EDN1: variants seen among roughly 807,000 people sequenced by gnomAD.
EDN1 encodes the protein endothelin-1.
EDN1 carries 11 observed loss-of-function variants against 21.7 expected under a neutral mutation model. The ratio of observed to expected loss-of-function variants is 0.51; its 90% CI spans 0.32 to 0.84. The LOEUF is 0.84. Among genes scored for constraint, EDN1 ranks in the 40% least tolerant of loss-of-function variants. The pLI, the probability that EDN1 is intolerant of heterozygous loss-of-function variation, is 0.03. For missense variants in EDN1, 244 were observed against 262.3 expected, an observed-to-expected ratio of 0.93 and a Z score of 0.48; for synonymous variants, 85 against 90.6, an observed-to-expected ratio of 0.94 and a Z score of 0.35.
At chr6:12,246,406 T>C in the EDN1 span, among the ~76,000 whole-genome samples, 1 of 152,164 alleles carries the variant, frequency 6.6e-6, no homozygotes, top group East Asian at 1.9e-4. Flanking sequence ...TGAAAAACCA[T>C]TTTCCCAGAC....
At chr6:12,244,906 T>C in the EDN1 span, among the ~76,000 whole-genome samples, 1 of 152,290 alleles carries the variant, frequency 6.6e-6, no homozygotes, top group South Asian at 2.1e-4. Flanking sequence ...TACAACAATA[T>C]GGCTTTTAAT....
chr6:12,287,744 ACACACACACAGGCGCGCGCGCGCGCGCG>A (rs1323927694), upstream of EDN1, among the ~76,000 whole-genome samples: 4 of 148,160 alleles, frequency 2.7e-5, no homozygotes, highest in African/African-American at 1.0e-4. Flanking sequence ...ACACACACAC[ACACACACACAGGCGCGCGCGCGCGCGCG>A]CAGGCACACG....
At chr6:12,235,305 T>C in the EDN1 span, among the ~76,000 whole-genome samples, 1 of 152,230 alleles carries the variant, frequency 6.6e-6, no homozygotes, top group Admixed American at 6.5e-5. Context: ...GCTTCCTTCC[T>C]ATTCTCCACT....
chr6:12,277,215 G>A, the EDN1 span, among the ~76,000 whole-genome samples: 1 of 152,198 alleles, frequency 6.6e-6, no homozygotes, highest in Non-Finnish European at 1.5e-5. Context: ...AATCCAATGA[G>A]TGGAAATGCT....
chr6:12,296,001 T>A lies in EDN1; in HGVS notation c.573T>A (p.His191Gln). 1.2e-6 allele frequency: 2 copies of A among 1,614,142 alleles called. No individual in the cohort carries two copies. The highest frequency in any genetic ancestry group is 2.2e-5 in the South Asian group (2 of 91,086). ...GAAACAGCGTCAAATCATCTTTTCA[T>A]GATCCCAAGCTGAAAGGCAAGCCCT... ...TMRNSVKSSF[H>Q]DPKLKGKPSR... The change falls in exon 5 of 5, where the codon CAT becomes CAA. Residue 191 changes from histidine to glutamine, a missense_variant. By Grantham distance (24) the His-to-Gln change is conservative. Transcript: ENST00000379375.
At chr6:12,249,709 G>C in the EDN1 span, among the ~76,000 whole-genome samples, 3 of 151,998 alleles carry the variant, frequency 2.0e-5, no homozygotes, top group Non-Finnish European at 4.4e-5. Context: ...TGAAGGAAAG[G>C]CATTAACGAG....
upstream of EDN1, among the ~76,000 whole-genome samples, chr6:12,286,193 CTT>C: frequency 6.6e-6 from 1 of 152,200 alleles, no homozygotes; most frequent in East Asian, 1.9e-4. Flanking sequence ...TGGAAATACT[CTT>C]TTAAATAAAC....
chr6:12,232,112 TTTA>T, the EDN1 span, among the ~76,000 whole-genome samples: 1 of 146,986 alleles, frequency 6.8e-6, no homozygotes, highest in Non-Finnish European at 1.5e-5. Flanking sequence ...TATTTTATAT[TTTA>T]TTATATAAAA....
chr6:12,242,881 A>C, the EDN1 span, among the ~76,000 whole-genome samples: 1,675 of 152,294 alleles, frequency 0.011, 32 homozygotes, highest in African/African-American at 0.038. Context: ...GGCTGGGTTC[A>C]GGTCTCTGTG....
In EDN1 at chr6:12,290,408, G is replaced by A. The variant is rs765052775; in HGVS notation, c.-222G>A. The A allele has an allele frequency of 3.4e-6, 2 of 580,572 alleles. No individual in the cohort carries two copies. The highest frequency in any genetic ancestry group is 3.1e-6 in the Non-Finnish European group (1 of 326,642). The allele number at this position is 580,572 out of a possible 1,614,324, so 36.0% of individuals were successfully genotyped here. A position where few individuals can be genotyped will look rare whatever the true frequency, so the allele number is the denominator to read the frequency against. Reference sequence around the variant, plus strand: ...CAGGCGAACGGGTCCTGCGCCTCCTGCAGTCCCAGCTCTCCACCGCCGCGT... The same window carrying A: ...CAGGCGAACGGGTCCTGCGCCTCCTACAGTCCCAGCTCTCCACCGCCGCGT... On this transcript the variant is annotated 5_prime_UTR_variant, in exon 1 of 5. Coordinates refer to ENST00000379375, the MANE Select transcript of EDN1 (RefSeq NM_001955.5).
chr6:12,296,560 T>TTTTG lies in EDN1; in HGVS notation c.*497_*500dup, dbSNP rs1350377037. The stretch of plus-strand genomic sequence containing the variant: ...AAGTAAAGAAAAAAAAAAGAAAGAC[T>TTTTG]TTTGTTTAAATTTGTAAAATGCAAA... On this transcript the variant is annotated 3_prime_UTR_variant, in exon 5 of 5. Transcript: ENST00000379375. 1 of 161,314 alleles carries TTTTG rather than the reference T, an allele frequency of 6.2e-6. No homozygotes were observed. The highest frequency in any genetic ancestry group is 1.4e-5 in the Non-Finnish European group (1 of 72,378). The allele number at this position is 161,314 out of a possible 1,614,324, so 10.0% of individuals were successfully genotyped here. A position where few individuals can be genotyped will look rare whatever the true frequency, so the allele number is the denominator to read the frequency against.
At chr6:12,262,066 C>T in the EDN1 span, among the ~76,000 whole-genome samples, 3 of 152,214 alleles carry the variant, frequency 2.0e-5, no homozygotes, top group East Asian at 5.8e-4. Flanking sequence ...GATACCTCCA[C>T]AAACTATTGT....
At chr6:12,232,938 A>T in the EDN1 span, among the ~76,000 whole-genome samples, 1 of 152,190 alleles carries the variant, frequency 6.6e-6, no homozygotes. Flanking sequence ...GGTCACTTTC[A>T]GAAGGATTAA....
chr6:12,235,277 A>C, the EDN1 span, among the ~76,000 whole-genome samples: 3 of 152,308 alleles, frequency 2.0e-5, no homozygotes, highest in African/African-American at 7.2e-5. Context: ...GTTTCCTTAG[A>C]AAGTCTGTCC....
chr6:12,233,028 T>C, the EDN1 span, among the ~76,000 whole-genome samples: 18,599 of 152,242 alleles, frequency 0.12, 1,368 homozygotes, highest in South Asian at 0.27. Context: ...GAAAACAATC[T>C]TAGAGCTAAT....
At chr6:12,266,059 A>G in the EDN1 span, among the ~76,000 whole-genome samples, 1 of 152,320 alleles carries the variant, frequency 6.6e-6, no homozygotes, top group South Asian at 2.1e-4. Context: ...TCATTGTTTC[A>G]GAGATAAGCC....
At chr6:12,276,161 CAAAAAAAAAAAAAAAA>C in the EDN1 span, among the ~76,000 whole-genome samples, 2 of 68,618 alleles carry the variant, frequency 2.9e-5, no homozygotes, top group African/African-American at 5.9e-5. Context: ...GACTCCATCT[CAAAAAAAAAAAAAAAA>C]AAAAAAAAAA....
chr6:12,281,242 T>G, the EDN1 span, among the ~76,000 whole-genome samples: 2 of 152,252 alleles, frequency 1.3e-5, no homozygotes, highest in African/African-American at 4.8e-5. Flanking sequence ...CCAGTCAACA[T>G]TCAGTAATAG....
upstream of EDN1, among the ~76,000 whole-genome samples, chr6:12,287,255 G>A (rs191821480): frequency 6.2e-4 from 89 of 144,552 alleles, no homozygotes; most frequent in African/African-American, 2.3e-3. Flanking sequence ...TGGCCAAAAG[G>A]AGCATTTTCC....
Sources: gnomAD v4.1 joint callset for allele counts (sites outside exome capture counted in the v4.1 genomes callset) on GRCh38, gnomAD v4.1.1 for gene constraint, MANE v1.5 for transcripts, NCBI Gene and HGNC (gene_info 2026-07-23, HGNC 2026-07-21) for gene names.